JAK2: variants seen among roughly 807,000 people sequenced by gnomAD.
JAK2 encodes the protein Janus kinase 2, also known as tyrosine-protein kinase JAK2.
JAK2 carries 86 observed loss-of-function variants against 139.3 expected under a neutral mutation model. That is an observed-to-expected ratio of 0.62 (90% CI 0.52 to 0.74). The LOEUF is 0.74. Among genes scored for constraint, JAK2 ranks in the 30% least tolerant of loss-of-function variants. JAK2 has a pLI of 0.00. For missense variants in JAK2, 1,421 were observed against 1,360.3 expected (o/e 1.04, Z -0.70); for synonymous variants, 490 against 437.7 (o/e 1.12, Z -1.49).
At chr9:5,114,277 G>A in intron 22 of JAK2, 1 of 544,628 alleles carries the variant, frequency 1.8e-6, no homozygotes, top group Non-Finnish European at 3.6e-6. Flanking sequence ...CTGGCACCCA[G>A]CAAGGAGAAC....
chr9:5,059,242 CTAACT>C (rs1296655744), intron 8 of JAK2, among the ~76,000 whole-genome samples: 1 of 152,176 alleles, frequency 6.6e-6, no homozygotes, highest in Non-Finnish European at 1.5e-5. Context: ...ACCTCCACCC[CTAACT>C]TAAGATACCT....
At chr9:5,015,143 G>A (rs7045000) in intron 2 of JAK2, among the ~76,000 whole-genome samples, 52,987 of 152,002 alleles carry the variant, frequency 0.35, 9,918 homozygotes, top group African/African-American at 0.5. Flanking sequence ...AACAGATTCT[G>A]TAGTATAAAT....
At chr9:5,006,032 A>C (rs1821276818) in intron 2 of JAK2, among the ~76,000 whole-genome samples, 2 of 152,198 alleles carry the variant, frequency 1.3e-5, no homozygotes, top group South Asian at 4.1e-4. Flanking sequence ...TCTGTGAAGA[A>C]AGTCATTGGT....
chr9:5,102,629 A>C (rs1468909044), intron 22 of JAK2, among the ~76,000 whole-genome samples: 1 of 152,200 alleles, frequency 6.6e-6, no homozygotes, highest in Non-Finnish European at 1.5e-5. Flanking sequence ...AAAAATGTTA[A>C]GGGCAGCCAG....
At chr9:5,013,473 A>T (rs1821836221) in intron 2 of JAK2, among the ~76,000 whole-genome samples, 1 of 152,222 alleles carries the variant, frequency 6.6e-6, no homozygotes, top group Non-Finnish European at 1.5e-5. Flanking sequence ...TCTTCTTCAG[A>T]CCACTCCATT....
At chr9:5,075,349 C>T (rs927517642) in intron 14 of JAK2, among the ~76,000 whole-genome samples, 34 of 152,208 alleles carry the variant, frequency 2.2e-4, no homozygotes, top group African/African-American at 7.5e-4. Flanking sequence ...TCTAGGACTT[C>T]CACAGCTAGA....
In JAK2 at chr9:5,119,036, G is replaced by T. The variant is rs141665415; in HGVS notation, c.3060-3968G>T. Among the ~76,000 whole-genome samples, 658 of 152,178 alleles carry T rather than the reference G, an allele frequency of 4.3e-3. 7 individuals carry two copies. The highest frequency in any genetic ancestry group is 0.015 in the African/African-American group (616 of 41,532). On this transcript the variant is annotated intron_variant, in intron 22 of 24. Coordinates refer to ENST00000381652, the MANE Select transcript of JAK2 (RefSeq NM_004972.4). ...ACATTCAGAAAAGTTTGAAAAAACAGACTATTATTAATACATTATTATTAA... is the reference window on the plus strand; with the variant it reads ...ACATTCAGAAAAGTTTGAAAAAACATACTATTATTAATACATTATTATTAA...
chr9:5,038,527 G>A (rs900153715), intron 4 of JAK2, among the ~76,000 whole-genome samples: 3 of 150,728 alleles, frequency 2.0e-5, no homozygotes, highest in Non-Finnish European at 3.0e-5. Flanking sequence ...CTTGCAAACC[G>A]AATCCAGCAA....
At chr9:5,036,056 C>A (rs1249152446) in intron 4 of JAK2, among the ~76,000 whole-genome samples, 1 of 152,184 alleles carries the variant, frequency 6.6e-6, no homozygotes, top group Admixed American at 6.5e-5. Flanking sequence ...AATCAATGTG[C>A]AAAAATCACA....
At chr9:5,080,748 T>A (rs1029731845) in intron 18 of JAK2, 65 bp downstream of exon 18, 30 of 1,229,380 alleles carry the variant, frequency 2.4e-5, no homozygotes, top group Middle Eastern at 2.1e-4. Context: ...AATGAATCAT[T>A]ACTAATTTTT....
At chr9:4,993,314 A>G (rs975338229) in intron 2 of JAK2, among the ~76,000 whole-genome samples, 1 of 152,222 alleles carries the variant, frequency 6.6e-6, no homozygotes, top group Non-Finnish European at 1.5e-5. Flanking sequence ...ATCACACTCT[A>G]GATTGGATCT....
intron 22 of JAK2, chr9:5,110,606 T>A (rs1262007094): frequency 5.3e-6 from 1 of 190,030 alleles, no homozygotes; most frequent in Non-Finnish European, 1.1e-5. Flanking sequence ...CACTTACAGA[T>A]ATGCCTTTCT....
intron 18 of JAK2, 69 bp from the exon 19 acceptor site, chr9:5,081,656 A>G (rs1445762684): frequency 5.4e-6 from 6 of 1,101,568 alleles, no homozygotes; most frequent in Non-Finnish European, 8.2e-6. Flanking sequence ...GTCAACTTGA[A>G]TGTATATCAG....
At chr9:5,081,112 G>A (rs1216175219) in intron 18 of JAK2, among the ~76,000 whole-genome samples, 5 of 151,644 alleles carry the variant, frequency 3.3e-5, no homozygotes, top group Non-Finnish European at 7.4e-5. Flanking sequence ...AGCCAGGATG[G>A]TCTCGATCTC....
intron 13 of JAK2, among the ~76,000 whole-genome samples, chr9:5,073,087 T>C (rs900250333): frequency 2.0e-5 from 3 of 152,308 alleles, no homozygotes; most frequent in African/African-American, 7.2e-5. Context: ...GCTCTGAACA[T>C]AGCAAGATAT....
chr9:5,112,635 A>C (rs942577020), intron 22 of JAK2: 1 of 998,166 alleles, frequency 1.0e-6, no homozygotes, highest in Non-Finnish European at 1.4e-6. Flanking sequence ...CTCAACAGCG[A>C]GAAGCCCCAG....
At chr9:4,988,512 G>A (rs1054896442) in intron 2 of JAK2, among the ~76,000 whole-genome samples, 2 of 152,196 alleles carry the variant, frequency 1.3e-5, no homozygotes, top group African/African-American at 2.4e-5. Flanking sequence ...TGGGGGTGTC[G>A]TGAAAAATTT....
chr9:5,039,089 T>A (rs1816298679), intron 4 of JAK2, among the ~76,000 whole-genome samples: 1 of 152,142 alleles, frequency 6.6e-6, no homozygotes, highest in Non-Finnish European at 1.5e-5. Flanking sequence ...TTCCCTATGA[T>A]CAGGAATGAG....
chr9:5,042,981 G>T (rs7033052), intron 4 of JAK2, among the ~76,000 whole-genome samples: 2 of 151,940 alleles, frequency 1.3e-5, no homozygotes, highest in South Asian at 2.1e-4. Flanking sequence ...ACCCTCAGAA[G>T]CTGAGGGGGG....
Sources: gnomAD v4.1 joint callset for allele counts (sites outside exome capture counted in the v4.1 genomes callset) on GRCh38, gnomAD v4.1.1 for gene constraint, MANE v1.5 for transcripts, NCBI Gene and HGNC (gene_info 2026-07-23, HGNC 2026-07-21) for gene names.